The following PIAS2 variants were observed in gnomAD, a reference collection of about 807,000 sequenced individuals.
PIAS2 encodes the protein E3 SUMO-protein ligase PIAS2.
Under a neutral mutation model 69.7 loss-of-function variants are expected in PIAS2, and 19 were observed. The observed-to-expected ratio is 0.27, with a 90% CI of 0.19 to 0.40. The LOEUF is 0.40. PIAS2 is among the 10% of genes least tolerant of loss of function. The probability of loss-of-function intolerance (pLI) is 1.00; values close to 1 mark genes in which losing one functional copy is unlikely to be tolerated. For missense variants in PIAS2, 624 were observed against 757.0 expected (o/e 0.82, Z 2.06); for synonymous variants, 261 against 263.2 (o/e 0.99, Z 0.08).
chr18:46,847,246 T>C (rs2046286302), intron 5 of PIAS2, among the ~76,000 whole-genome samples: 1 of 152,054 alleles, frequency 6.6e-6, no homozygotes, highest in African/African-American at 2.4e-5. Flanking sequence ...AAAACCAAAC[T>C]GGGAAGTGAG....
chr18:46,848,787 G>GTGTGTT (rs2046534715), intron 5 of PIAS2, among the ~76,000 whole-genome samples: 1 of 149,262 alleles, frequency 6.7e-6, no homozygotes, highest in Non-Finnish European at 1.5e-5. Flanking sequence ...GTGTGTGTGT[G>GTGTGTT]TGAGAGAGAG....
chr18:46,816,091 C>T (rs750843418), intron 12 of PIAS2: 5 of 984,818 alleles, frequency 5.1e-6, no homozygotes, highest in African/African-American at 1.7e-5. Context: ...TTCACCTAGA[C>T]CTCCCTGTGT....
intron 12 of PIAS2, 28 bp downstream of exon 12, chr18:46,820,905 A>G (rs1448195660): frequency 1.9e-6 from 3 of 1,579,246 alleles, no homozygotes; most frequent in Non-Finnish European, 2.6e-6. Flanking sequence ...TCATTAAAAA[A>G]CAAAAGAAAC....
intron 1 of PIAS2, among the ~76,000 whole-genome samples, chr18:46,898,036 A>G (rs1177089898): frequency 6.6e-6 from 1 of 151,942 alleles, no homozygotes; most frequent in African/African-American, 2.4e-5. Context: ...TTTACTTTTC[A>G]TACAGACAGA....
chr18:46,850,190 C>T (rs1161858287), intron 5 of PIAS2, among the ~76,000 whole-genome samples: 1 of 152,154 alleles, frequency 6.6e-6, no homozygotes, highest in Admixed American at 6.5e-5. Flanking sequence ...TTTACCTACT[C>T]TACCCAACTC....
At position 46,844,751 on chromosome 18, in the gene PIAS2, TC is replaced by T; in HGVS notation, c.949del (p.Asp317IlefsTer6). 2 of 1,432,050 alleles carry T rather than the reference TC, an allele frequency of 1.4e-6. No homozygotes were observed. The highest frequency in any genetic ancestry group is 1.9e-6 in the Non-Finnish European group (2 of 1,074,404). The allele number at this position is 1,432,050 out of a possible 1,614,324, so 88.7% of individuals were successfully genotyped here. ...TTACTTACTTAGTGCTCTGGAATGA[TC>T]AGGGTTTCTAATACCTTTCATTTTT... is the stretch of plus-strand genomic sequence containing the variant. ...RLKMKGIRNP[D>X]HSRALIKEKL... is the part of the protein sequence containing the mutation. On this transcript the variant is annotated frameshift_variant, in exon 7 of 14. Transcript: ENST00000585916. LOFTEE classifies it high-confidence loss of function.
chr18:46,891,688 T>C, intron 1 of PIAS2: 1 of 966,012 alleles, frequency 1.0e-6, no homozygotes, highest in South Asian at 4.8e-5. Context: ...AATTCCCAGC[T>C]GGGTATCCAA....
intron 2 of PIAS2, among the ~76,000 whole-genome samples, chr18:46,868,075 T>G (rs1418784634): frequency 6.6e-6 from 1 of 152,212 alleles, no homozygotes; most frequent in Non-Finnish European, 1.5e-5. Flanking sequence ...TCTGAGCTTC[T>G]GGCCAAGTGC....
At chr18:46,862,150 G>A (rs2048756707) in intron 3 of PIAS2, among the ~76,000 whole-genome samples, 1 of 152,276 alleles carries the variant, frequency 6.6e-6, no homozygotes, top group East Asian at 1.9e-4. Flanking sequence ...GGCCAACGTG[G>A]TGAAACCCCG....
intron 2 of PIAS2, among the ~76,000 whole-genome samples, chr18:46,889,060 C>T (rs1352935806): frequency 6.6e-6 from 1 of 152,154 alleles, no homozygotes; most frequent in African/African-American, 2.4e-5. Flanking sequence ...TGGACACTCA[C>T]CTAATACCAT....
intron 5 of PIAS2, among the ~76,000 whole-genome samples, chr18:46,849,545 CT>C (rs1295467973): frequency 6.6e-6 from 1 of 152,104 alleles, no homozygotes; most frequent in East Asian, 1.9e-4. Context: ...CAGCGGAACA[CT>C]TTGTGGTAGT....
intron 11 of PIAS2, among the ~76,000 whole-genome samples, chr18:46,822,247 G>C (rs1238140213): frequency 3.3e-5 from 5 of 152,146 alleles, no homozygotes; most frequent in Non-Finnish European, 5.9e-5. Context: ...CAGTCATCTT[G>C]AGAGTACATA....
At chr18:46,856,131 G>C (rs1196248398) in intron 3 of PIAS2, among the ~76,000 whole-genome samples, 2 of 144,428 alleles carry the variant, frequency 1.4e-5, no homozygotes, top group Non-Finnish European at 3.0e-5. Context: ...TCAGCCTCCC[G>C]AGTAGCTGGG....
chr18:46,822,608 T>C (rs1311738242), intron 11 of PIAS2, among the ~76,000 whole-genome samples: 1 of 152,122 alleles, frequency 6.6e-6, no homozygotes, highest in Admixed American at 6.5e-5. Flanking sequence ...ATAAGTTATA[T>C]TGTATCTAAA....
chr18:46,898,618 AC>A (rs1372443468), intron 1 of PIAS2, among the ~76,000 whole-genome samples: 5 of 152,252 alleles, frequency 3.3e-5, no homozygotes, highest in Admixed American at 1.3e-4. Context: ...TATTAAAAAA[AC>A]CGAAGTAACA....
At chr18:46,813,430 A>G (rs1334677925) in intron 13 of PIAS2, among the ~76,000 whole-genome samples, 2 of 152,156 alleles carry the variant, frequency 1.3e-5, no homozygotes, top group East Asian at 3.8e-4. Context: ...GAGACAAGCC[A>G]AAAGCATTAT....
chr18:46,872,683 G>C (rs1600076357), intron 2 of PIAS2, among the ~76,000 whole-genome samples: 1 of 152,330 alleles, frequency 6.6e-6, no homozygotes, highest in East Asian at 1.9e-4. Context: ...GCAAGCCAAG[G>C]ATAAGGCCCG....
intron 12 of PIAS2, chr18:46,817,108 T>C: frequency 1.1e-6 from 1 of 948,006 alleles, no homozygotes; most frequent in Non-Finnish European, 1.3e-6. Context: ...TAACTTCTTA[T>C]CTTTTCAGTT....
intron 1 of PIAS2, among the ~76,000 whole-genome samples, chr18:46,913,876 A>G (rs982349925): frequency 6.6e-6 from 1 of 152,194 alleles, no homozygotes; most frequent in Non-Finnish European, 1.5e-5. Context: ...GATCAGAGCT[A>G]GCTGTAACCC....
Sources: gnomAD v4.1 joint callset for allele counts (sites outside exome capture counted in the v4.1 genomes callset) on GRCh38, gnomAD v4.1.1 for gene constraint, MANE v1.5 for transcripts, NCBI Gene and HGNC (gene_info 2026-07-23, HGNC 2026-07-21) for gene names.